Variants in PTPRD observed in about 807,000 individuals in gnomAD.
The protein encoded by PTPRD is receptor-type tyrosine-protein phosphatase delta.
A neutral mutation model predicts 214.5 loss-of-function variants in PTPRD; 34 were observed. The observed-to-expected ratio is 0.16, with a 90% CI of 0.12 to 0.21. PTPRD has a LOEUF of 0.21. PTPRD is among the 10% of genes least tolerant of loss of function. PTPRD has a pLI of 1.00. For synonymous variants in PTPRD, 1,128 were observed against 845.7 expected, an observed-to-expected ratio of 1.33 and a Z score of -5.79; for missense variants, 2,545 against 2,398.7, an observed-to-expected ratio of 1.06 and a Z score of -1.27.
At chr9:9,010,263 G>A (rs2099503886) in intron 11 of PTPRD, among the ~76,000 whole-genome samples, 1 of 152,142 alleles carries the variant, frequency 6.6e-6, no homozygotes. Context: ...AAGACACAAT[G>A]GATAGAAATC....
intron 2 of PTPRD, among the ~76,000 whole-genome samples, chr9:10,517,850 A>T (rs1397682443): frequency 2.0e-5 from 3 of 152,150 alleles, no homozygotes; most frequent in Non-Finnish European, 2.9e-5. Flanking sequence ...TGAATTTAAA[A>T]TGTGTGTTTA....
intron 2 of PTPRD, among the ~76,000 whole-genome samples, chr9:10,343,831 T>C (rs893571404): frequency 6.6e-6 from 1 of 152,060 alleles, no homozygotes; most frequent in Non-Finnish European, 1.5e-5. Flanking sequence ...GGTTGTTTGT[T>C]TTTTTCTTGT....
At chr9:8,737,288 G>C (rs1406087808) in intron 11 of PTPRD, among the ~76,000 whole-genome samples, 10 of 152,282 alleles carry the variant, frequency 6.6e-5, no homozygotes, top group African/African-American at 2.2e-4. Flanking sequence ...GAGGTGTGAA[G>C]ATGAAACGTA....
intron 7 of PTPRD, among the ~76,000 whole-genome samples, chr9:9,586,499 A>G (rs755515771): frequency 6.6e-6 from 1 of 151,988 alleles, no homozygotes; most frequent in African/African-American, 2.4e-5. Flanking sequence ...TTCTTCTGTC[A>G]GTTGTTCAAT....
intron 26 of PTPRD, among the ~76,000 whole-genome samples, chr9:8,493,208 G>A (rs1563801799): frequency 6.6e-6 from 1 of 152,136 alleles, no homozygotes; most frequent in Non-Finnish European, 1.5e-5. Context: ...ATTAGTCAAA[G>A]ACATGAAATC....
chr9:10,350,299 G>A (rs1267118413), intron 2 of PTPRD, among the ~76,000 whole-genome samples: 2 of 152,054 alleles, frequency 1.3e-5, no homozygotes, highest in African/African-American at 4.8e-5. Flanking sequence ...AAACTTTAAA[G>A]ACCAAGTCAA....
At chr9:10,134,740 C>A (rs764774059) in intron 3 of PTPRD, among the ~76,000 whole-genome samples, 2 of 151,992 alleles carry the variant, frequency 1.3e-5, no homozygotes. Flanking sequence ...AAAGCAACTG[C>A]GAAAAGATAA....
rs1586923741 is a variant in PTPRD, at chr9:9,950,444, G to GGAGTATGGTCTCAAATAA, written c.-471-11835_-471-11834insTTATTTGAGACCATACTC. 6.3e-5 allele frequency among the ~76,000 whole-genome samples: 6 copies of GGAGTATGGTCTCAAATAA among 94,600 alleles called. 1 individual carries two copies. Among genetic ancestry groups the GGAGTATGGTCTCAAATAA allele is most frequent in the Admixed American group, 1.0e-4 (1 of 9,858 alleles). 62.1% of individuals were successfully genotyped at this position (94,600 alleles called of 152,430 possible). A position where few individuals can be genotyped will look rare whatever the true frequency, so the allele number is the denominator to read the frequency against. On this transcript the variant is annotated intron_variant, in intron 4 of 45. Coordinates refer to ENST00000381196, the MANE Select transcript of PTPRD (RefSeq NM_002839.4). Reference sequence around the variant, plus strand: ...TTTGGCTTTTAAGAAGAAAGTGGAGGCCGGGCGCGGTGGCTCACGCCTGTA... The same window carrying GGAGTATGGTCTCAAATAA: ...TTTGGCTTTTAAGAAGAAAGTGGAGGGAGTATGGTCTCAAATAACCGGGCGCGGTGGCTCACGCCTGTA...
intron 4 of PTPRD, among the ~76,000 whole-genome samples, chr9:9,965,717 G>T (rs1458817241): frequency 4.6e-5 from 7 of 152,138 alleles, no homozygotes; most frequent in African/African-American, 1.4e-4. Flanking sequence ...TAAGTGTTGG[G>T]TAAGTGTTGT....
chr9:10,573,836 A>T (rs931608062), intron 2 of PTPRD, among the ~76,000 whole-genome samples: 1 of 152,210 alleles, frequency 6.6e-6, no homozygotes, highest in Non-Finnish European at 1.5e-5. Flanking sequence ...TAGTAAAGAC[A>T]TGGAAGGTAA....
At chr9:9,546,612 T>C (rs550328332) in intron 8 of PTPRD, among the ~76,000 whole-genome samples, 51 of 151,974 alleles carry the variant, frequency 3.4e-4, no homozygotes, top group Non-Finnish European at 5.3e-4. Flanking sequence ...TTATCCCTTT[T>C]ATATGTAAAA....
In PTPRD at chr9:10,338,783, C is replaced by T. The variant is rs143131652; in HGVS notation, c.-545+2180G>A. Among the ~76,000 whole-genome samples, 3 of 151,352 alleles carry T rather than the reference C, an allele frequency of 2.0e-5. No homozygotes were observed. In the East Asian group the frequency reaches 5.9e-4, roughly 30 times the overall value. On this transcript the variant is annotated intron_variant, in intron 3 of 45. Coordinates refer to ENST00000381196, the MANE Select transcript of PTPRD (RefSeq NM_002839.4). ...TGAGAGAGATAGCCCATGTTTGGAA[C>T]AGGAGAAAAAAAATACATATTTTTC...
intron 6 of PTPRD, among the ~76,000 whole-genome samples, chr9:9,757,787 C>G (rs190072841): frequency 1.1e-4 from 16 of 152,146 alleles, no homozygotes; most frequent in Admixed American, 9.8e-4. Flanking sequence ...ATAAGCCATC[C>G]TTCCAAAAAT....
chr9:8,640,622 A>G (rs989149351), intron 12 of PTPRD, among the ~76,000 whole-genome samples: 1 of 151,236 alleles, frequency 6.6e-6, no homozygotes, highest in Non-Finnish European at 1.5e-5. Context: ...GAAAACAAGA[A>G]AATAAAATTG....
At chr9:9,721,401 C>T (rs1360471830) in intron 7 of PTPRD, among the ~76,000 whole-genome samples, 2 of 152,044 alleles carry the variant, frequency 1.3e-5, no homozygotes, top group African/African-American at 4.8e-5. Flanking sequence ...AATAGTCTTG[C>T]TCCTTTGTAG....
intron 8 of PTPRD, among the ~76,000 whole-genome samples, chr9:9,476,896 T>C (rs934226058): frequency 6.6e-6 from 1 of 151,946 alleles, no homozygotes; most frequent in Non-Finnish European, 1.5e-5. Context: ...CCACCATGCC[T>C]GACTAATTTT....
At chr9:8,832,408 A>ATTTT (rs1555402610) in intron 11 of PTPRD, among the ~76,000 whole-genome samples, 1 of 62,932 alleles carries the variant, frequency 1.6e-5, no homozygotes, top group Non-Finnish European at 3.1e-5. Flanking sequence ...AGCTAAAATC[A>ATTTT]TCTTTTTTTT....
intron 9 of PTPRD, among the ~76,000 whole-genome samples, chr9:9,302,601 C>CTTTTTTTTTTTTTTTTTTTTTTTT (rs3047853): frequency 5.5e-4 from 62 of 111,882 alleles, no homozygotes; most frequent in Non-Finnish European, 7.2e-4. Context: ...TTTTTTTTTT[C>CTTTTTTTTTTTTTTTTTTTTTTTT]TTTTTTTTTT....
At chr9:10,039,680 A>G (rs2097259719) in intron 3 of PTPRD, among the ~76,000 whole-genome samples, 1 of 151,800 alleles carries the variant, frequency 6.6e-6, no homozygotes, top group Non-Finnish European at 1.5e-5. Context: ...TCTGGGGGAA[A>G]AAAAAACAAA....
Sources: allele counts gnomAD v4.1 joint callset (sites outside exome capture counted in the v4.1 genomes callset), GRCh38; gene constraint gnomAD v4.1.1; transcripts MANE v1.5; gene names NCBI Gene and HGNC (gene_info 2026-07-23, HGNC 2026-07-21).